Variants in CDCA7L observed in about 807,000 individuals in gnomAD.
CDCA7L encodes the protein cell division cycle associated 7 like.
CDCA7L carries 44 observed loss-of-function variants against 57.4 expected under a neutral mutation model. The observed-to-expected ratio is 0.77, with a 90% CI of 0.60 to 0.98. The LOEUF is 0.98. Ranked by LOEUF, CDCA7L falls within the 50% of genes least tolerant of loss-of-function variation. The pLI, the probability that CDCA7L is intolerant of heterozygous loss-of-function variation, is 0.00. For synonymous variants in CDCA7L, 236 were observed against 202.8 expected (o/e 1.16, Z -1.39); for missense variants, 644 against 580.6 (o/e 1.11, Z -1.12).
In CDCA7L at chr7:21,900,970, C is replaced by CTGCCACACAATT; in HGVS notation, c.*1340_*1351dup. 1 of 1,530,602 alleles carries CTGCCACACAATT rather than the reference C, an allele frequency of 6.5e-7. No individual in the cohort carries two copies. 94.8% of individuals were successfully genotyped at this position (1,530,602 alleles called of 1,614,324 possible). On this transcript the variant is annotated 3_prime_UTR_variant, in exon 10 of 10. Coordinates refer to ENST00000406877, the MANE Select transcript of CDCA7L (RefSeq NM_018719.5). ...CTTGATCATTATCATTAGTAGCAAG[C>CTGCCACACAATT]TGCCACACAATTGCAACCGCTGTGT...
At chr7:21,902,686 A>T in intron 9 of CDCA7L, 1 of 472,680 alleles carries the variant, frequency 2.1e-6, no homozygotes, top group Admixed American at 3.7e-5. Context: ...CTTTCCCCTC[A>T]GCCTGCCTTG....
At chr7:21,935,304 A>T (rs758625446) in intron 1 of CDCA7L, among the ~76,000 whole-genome samples, 3 of 152,244 alleles carry the variant, frequency 2.0e-5, no homozygotes, top group Non-Finnish European at 2.9e-5. Flanking sequence ...GTCAAAGAAG[A>T]CATCACAAGG....
At chr7:21,915,805 G>A (rs1159633755) in intron 2 of CDCA7L, among the ~76,000 whole-genome samples, 2 of 152,180 alleles carry the variant, frequency 1.3e-5, no homozygotes, top group East Asian at 3.9e-4. Context: ...TCCAGCCTGG[G>A]TGACACAATG....
Position 21,901,388 on chromosome 7 carries a change from TAGAGTGAAAGTCAGAAAA to T in CDCA7L, c.*916_*933del. On this transcript the variant is annotated 3_prime_UTR_variant, in exon 10 of 10. Transcript: ENST00000406877. ...TGCATTCTTTTTTCAACGCTATCCT[TAGAGTGAAAGTCAGAAAA>T]AAATACTAGAAACTAACTCAGGGCT... 1 of 1,272,226 alleles carries T rather than the reference TAGAGTGAAAGTCAGAAAA, an allele frequency of 7.9e-7. No individual in the cohort carries two copies. The highest frequency in any genetic ancestry group is 3.4e-5 in the Admixed American group (1 of 29,822). 78.8% of individuals were successfully genotyped at this position (1,272,226 alleles called of 1,614,324 possible). A position where few individuals can be genotyped will look rare whatever the true frequency, so the allele number is the denominator to read the frequency against.
At chr7:21,912,147 A>G (rs1300194083) in intron 2 of CDCA7L, among the ~76,000 whole-genome samples, 1 of 152,048 alleles carries the variant, frequency 6.6e-6, no homozygotes, top group Non-Finnish European at 1.5e-5. Flanking sequence ...CTGTAGTCCC[A>G]GCTACTTGGG....
At position 21,904,147 on chromosome 7, in the gene CDCA7L, C is replaced by T. The variant is rs1215416947; in HGVS notation, c.1160G>A (p.Arg387His). ...GQFCGPCLRNRYGEDVRSALL... is the reference protein window; with the variant it reads ...GQFCGPCLRNHYGEDVRSALL... ...TGCCGATCTGACATCCTCCCCATAG[C>T]GGTTCCGCAGGCATGGTCCACAGAA... The change falls in exon 8 of 10, where the codon CGC becomes CAC. Residue 387 changes from arginine to histidine, a missense_variant. Physicochemically the swap from Arg to His is conservative, Grantham distance 29 (BLOSUM62 0). Coordinates refer to ENST00000406877, the MANE Select transcript of CDCA7L (RefSeq NM_018719.5). 2 of 1,611,762 alleles carry T rather than the reference C, an allele frequency of 1.2e-6. No individual in the cohort carries two copies. The highest frequency in any genetic ancestry group is 1.3e-5 in the African/African-American group (1 of 74,836).
In CDCA7L at chr7:21,904,143, A is replaced by G; in HGVS notation, c.1164T>C (p.Tyr388=). The change falls in exon 8 of 10, where the codon TAT becomes TAC. Residue 388 remains tyrosine, a synonymous_variant. Transcript: ENST00000406877. ...GCAATGCCGATCTGACATCCTCCCC[A>G]TAGCGGTTCCGCAGGCATGGTCCAC... The part of the protein sequence containing the change: ...QFCGPCLRNR[Y]GEDVRSALLD... 9 of 1,611,620 alleles carry G rather than the reference A, an allele frequency of 5.6e-6. No homozygotes were observed. The highest frequency in any genetic ancestry group is 7.6e-6 in the Non-Finnish European group (9 of 1,178,928).
intron 1 of CDCA7L, among the ~76,000 whole-genome samples, chr7:21,926,129 T>C (rs1319874729): frequency 6.6e-6 from 1 of 152,216 alleles, no homozygotes; most frequent in African/African-American, 2.4e-5. Context: ...CTCAAAGGCA[T>C]GTAGCTTGTT....
chr7:21,903,387 G>A (rs552582786), intron 8 of CDCA7L, among the ~76,000 whole-genome samples: 12 of 152,284 alleles, frequency 7.9e-5, no homozygotes, highest in Admixed American at 4.6e-4. Flanking sequence ...GGCCCTGTGC[G>A]AGCATGCAGG....
intron 1 of CDCA7L, chr7:21,944,853 G>A (rs1295652872): frequency 6.7e-6 from 1 of 149,928 alleles, no homozygotes; most frequent in Non-Finnish European, 1.5e-5. Flanking sequence ...AGTGAGTCTC[G>A]CGACTCTCAA....
chr7:21,916,711 G>C, intron 2 of CDCA7L, 43 bp downstream of exon 2: 1 of 1,588,332 alleles, frequency 6.3e-7, no homozygotes, highest in Admixed American at 1.7e-5. Context: ...CCAAGATTCA[G>C]GCCTCCAGAT....
intron 1 of CDCA7L, among the ~76,000 whole-genome samples, chr7:21,929,221 A>G (rs547180470): frequency 7.9e-4 from 121 of 152,288 alleles, no homozygotes; most frequent in Non-Finnish European, 1.5e-3. Context: ...CATAAGTGAA[A>G]GAGAAATAAA....
Position 21,902,341 on chromosome 7 carries a change from T to A in CDCA7L, c.1346A>T (p.Glu449Val). The A allele has an allele frequency of 5.6e-6, 9 of 1,614,018 alleles. No homozygotes were observed. Among genetic ancestry groups the A allele is most frequent in the Non-Finnish European group, 7.6e-6 (9 of 1,179,942 alleles). ...VKEYLESLQK[E>V]LVEDN ...TTCCTCTTAATTGTCTTCTACCAGC[T>A]CCTTTTGTAAGCTGGGAAAAAGATG... The change falls in exon 10 of 10, where the codon GAG becomes GTG. Residue 449 changes from glutamate to valine, a missense_variant. Coordinates refer to ENST00000406877, the MANE Select transcript of CDCA7L (RefSeq NM_018719.5).
chr7:21,926,073 A>G (rs985412938), intron 1 of CDCA7L, among the ~76,000 whole-genome samples: 1 of 152,160 alleles, frequency 6.6e-6, no homozygotes, highest in African/African-American at 2.4e-5. Flanking sequence ...CTATCTCTAT[A>G]AGAAATAAAA....
At chr7:21,933,225 T>C (rs1419501280) in intron 1 of CDCA7L, among the ~76,000 whole-genome samples, 4 of 152,186 alleles carry the variant, frequency 2.6e-5, no homozygotes, top group African/African-American at 7.2e-5. Flanking sequence ...AGTTCAACCA[T>C]TGCAGAAGAC....
chr7:21,925,990 G>A (rs1785814133), intron 1 of CDCA7L, among the ~76,000 whole-genome samples: 1 of 152,138 alleles, frequency 6.6e-6, no homozygotes, highest in Non-Finnish European at 1.5e-5. Flanking sequence ...TGTAGTCCCA[G>A]CTACTTAGAT....
At chr7:21,902,577 T>TATTAG (rs779266307) in intron 9 of CDCA7L, 18 of 582,500 alleles carry the variant, frequency 3.1e-5, no homozygotes, top group East Asian at 2.8e-4. Flanking sequence ...ATTCAGAGTT[T>TATTAG]ATTAATTACA....
intron 1 of CDCA7L, among the ~76,000 whole-genome samples, chr7:21,926,896 T>G (rs918882743): frequency 4.0e-5 from 6 of 151,702 alleles, no homozygotes; most frequent in African/African-American, 1.5e-4. Flanking sequence ...ATAACAATAA[T>G]AATAAAGACA....
intron 1 of CDCA7L, among the ~76,000 whole-genome samples, chr7:21,927,145 A>T (rs1234922637): frequency 6.6e-6 from 1 of 152,230 alleles, no homozygotes; most frequent in Non-Finnish European, 1.5e-5. Context: ...AACCTGGCCC[A>T]TTCAAAGAAG....
Sources: gnomAD v4.1 joint callset for allele counts (sites outside exome capture counted in the v4.1 genomes callset) on GRCh38, gnomAD v4.1.1 for gene constraint, MANE v1.5 for transcripts, NCBI Gene and HGNC (gene_info 2026-07-23, HGNC 2026-07-21) for gene names.